The following NDE1 variants were observed in gnomAD, a reference collection of about 807,000 sequenced individuals.
NDE1 encodes nudE neurodevelopment protein 1, also known as nuclear distribution protein nudE homolog 1.
A neutral mutation model predicts 43.4 loss-of-function variants in NDE1; 28 were observed. That is an observed-to-expected ratio of 0.65 (90% CI 0.48 to 0.89). NDE1 has a LOEUF of 0.89. NDE1 is among the 40% of genes least tolerant of loss of function. NDE1 has a pLI of 0.00. For missense variants in NDE1, 441 were observed against 434.1 expected, an observed-to-expected ratio of 1.02 and a Z score of -0.14; for synonymous variants, 184 against 172.0, an observed-to-expected ratio of 1.07 and a Z score of -0.55.
Position 15,725,149 on chromosome 16 carries a change from ACACACACACAC to A in NDE1, c.*899_*909del. 1 of 576,044 alleles carries A rather than the reference ACACACACACAC, an allele frequency of 1.7e-6. No homozygotes were observed. Among genetic ancestry groups the A allele is most frequent in the Non-Finnish European group, 3.0e-6 (1 of 330,272 alleles). The allele number at this position is 576,044 out of a possible 1,614,324, so 35.7% of individuals were successfully genotyped here. A position where few individuals can be genotyped will look rare whatever the true frequency, so the allele number is the denominator to read the frequency against. On this transcript the variant is annotated 3_prime_UTR_variant, in exon 9 of 9. Coordinates refer to ENST00000396354, the MANE Select transcript of NDE1 (RefSeq NM_017668.3). ...GGGACTCTGATAAAAAAAAAAAAAA[ACACACACACAC>A]ACAAAAAAAACAGAATCTGTGGCTT...
rs906250345 is a variant in NDE1, at chr16:15,720,380, G to A, written c.948-3811G>A. 2.5e-5 allele frequency: 38 copies of A among 1,542,254 alleles called. No individual in the cohort carries two copies. In the African/African-American group the frequency reaches 4.0e-4, roughly 16 times the overall value. On this transcript the variant is annotated intron_variant, in intron 8 of 8. Transcript: ENST00000396354. The stretch of plus-strand genomic sequence containing the variant: ...GGAGGTCCTTTGGCTCACCTAGGCA[G>A]CACATCACTGCACCCCTTCCCCAGC...
rs1406759108 is a variant in NDE1, at chr16:15,704,231, A to G, written c.947+7371A>G. 8 of 1,373,888 alleles carry G rather than the reference A, an allele frequency of 5.8e-6. No individual in the cohort carries two copies. The African/African-American group carries it at 1.0e-4, about 18-fold the overall frequency. 85.1% of individuals were successfully genotyped at this position (1,373,888 alleles called of 1,614,324 possible). On this transcript the variant is annotated intron_variant, in intron 8 of 8. Transcript: ENST00000396354. ...GTAGCTATAGTCCTATTGCAATATA[A>G]ATTTTTTTTATGGCAGAAAACACAC...
chr16:15,710,011 C>T (rs2039688630), intron 8 of NDE1, among the ~76,000 whole-genome samples: 1 of 152,216 alleles, frequency 6.6e-6, no homozygotes, highest in Admixed American at 6.5e-5. Context: ...AGGAGCCAGG[C>T]ATGCTTACCA....
chr16:15,704,944 G>A (rs972536543), intron 8 of NDE1, among the ~76,000 whole-genome samples: 6 of 152,166 alleles, frequency 3.9e-5, no homozygotes, highest in South Asian at 4.1e-4. Context: ...CTCCCAAAGC[G>A]CTGGCATTAC....
At chr16:15,650,051 AC>A (rs1239579380), upstream of NDE1, among the ~76,000 whole-genome samples, 3 of 151,138 alleles carry the variant, frequency 2.0e-5, no homozygotes, top group Non-Finnish European at 4.4e-5. Flanking sequence ...CGCCTCTCAA[AC>A]CCCCTCCGGC....
chr16:15,656,694 C>T (rs919162810), intron 1 of NDE1, among the ~76,000 whole-genome samples: 1 of 152,086 alleles, frequency 6.6e-6, no homozygotes, highest in Non-Finnish European at 1.5e-5. Context: ...GCATGTGCCA[C>T]CATGCCCAGC....
chr16:15,647,320 C>G (rs1297701931), upstream of NDE1, among the ~76,000 whole-genome samples: 1 of 152,168 alleles, frequency 6.6e-6, no homozygotes, highest in African/African-American at 2.4e-5. Flanking sequence ...ATCTCTTTGC[C>G]TCTAGCATAG....
intron 8 of NDE1, among the ~76,000 whole-genome samples, chr16:15,710,806 T>C (rs2039744217): frequency 6.6e-6 from 1 of 151,936 alleles, no homozygotes. Flanking sequence ...GCCTCACGAG[T>C]AGCTGGGATT....
intron 8 of NDE1, among the ~76,000 whole-genome samples, chr16:15,706,505 C>T (rs1466079038): frequency 5.9e-5 from 9 of 152,106 alleles, no homozygotes; most frequent in East Asian, 1.9e-4. Context: ...GTCAGTTGTT[C>T]GAGGCCATCC....
intron 1 of NDE1, among the ~76,000 whole-genome samples, chr16:15,664,163 G>T (rs1488067153): frequency 1.3e-5 from 2 of 152,054 alleles, no homozygotes; most frequent in Non-Finnish European, 2.9e-5. Context: ...CTTTAGGGAA[G>T]GCAGGCATCT....
intron 8 of NDE1, chr16:15,721,305 T>C (rs1457479164): frequency 8.0e-7 from 1 of 1,249,332 alleles, no homozygotes. Context: ...CCTCCTTCCA[T>C]TTCCGATGAT....
intron 8 of NDE1, chr16:15,701,662 G>C (rs2039225834): frequency 6.6e-6 from 1 of 152,184 alleles, no homozygotes. Flanking sequence ...GTCTCTTTGG[G>C]ACACGAGTTA....
intron 8 of NDE1, among the ~76,000 whole-genome samples, chr16:15,716,674 A>C (rs2040167315): frequency 6.6e-6 from 1 of 152,166 alleles, no homozygotes; most frequent in South Asian, 2.1e-4. Flanking sequence ...GGCATGTGCC[A>C]CCACACTCGG....
At chr16:15,710,640 C>T (rs2039728773) in intron 8 of NDE1, among the ~76,000 whole-genome samples, 1 of 151,356 alleles carries the variant, frequency 6.6e-6, no homozygotes, top group African/African-American at 2.4e-5. Context: ...TCAGGAGAGG[C>T]AGGGGGACTG....
At chr16:15,687,189 C>G (rs761869764) in intron 4 of NDE1, 186 bp from the exon 5 acceptor site, 3 of 1,512,604 alleles carry the variant, frequency 2.0e-6, no homozygotes, top group Non-Finnish European at 2.7e-6. Context: ...TGATGAGTCC[C>G]ATTCTGCAGG....
intron 5 of NDE1, among the ~76,000 whole-genome samples, chr16:15,688,144 C>T (rs1486551583): frequency 6.6e-6 from 1 of 152,184 alleles, no homozygotes; most frequent in Non-Finnish European, 1.5e-5. Context: ...CCAGTGCACT[C>T]CAGCCTGGGT....
At chr16:15,700,239 G>C (rs1305805303) in intron 8 of NDE1, 3 of 379,680 alleles carry the variant, frequency 7.9e-6, no homozygotes, top group South Asian at 9.6e-5. Flanking sequence ...TGGGATTACA[G>C]GCACCCACCA....
rs1315140356 is a variant in NDE1, at chr16:15,717,497, T to C, written c.948-6694T>C. On this transcript the variant is annotated intron_variant, in intron 8 of 8. Transcript: ENST00000396354. Reference sequence around the variant, plus strand: ...TCTCCTTCATCCTGTAAAACTCCACTCAAGAGCTTCTTCCAGGCCGGGCGT... The same window carrying C: ...TCTCCTTCATCCTGTAAAACTCCACCCAAGAGCTTCTTCCAGGCCGGGCGT... The C allele has an allele frequency of 3.9e-6, 3 of 767,500 alleles. No homozygotes were observed. The Admixed American group carries it at 7.4e-5, about 19-fold the overall frequency. 47.5% of individuals were successfully genotyped at this position (767,500 alleles called of 1,614,324 possible). A position where few individuals can be genotyped will look rare whatever the true frequency, so the allele number is the denominator to read the frequency against.
In NDE1 at chr16:15,714,999, T is replaced by C. The variant is rs79129097; in HGVS notation, c.948-9192T>C. The C allele has an allele frequency of 1.3e-4, 210 of 1,614,034 alleles. 1 individual carries two copies. In the East Asian group the frequency reaches 4.4e-3, roughly 34 times the overall value. On this transcript the variant is annotated intron_variant, in intron 8 of 8. Transcript: ENST00000396354. ...CAGCTCCCGCTGCAGCTTCCTGCGG[T>C]TGGCGTTGATGCGCTGGGACTCCTC...
Sources: allele counts gnomAD v4.1 joint callset (sites outside exome capture counted in the v4.1 genomes callset), GRCh38; gene constraint gnomAD v4.1.1; transcripts MANE v1.5; gene names NCBI Gene and HGNC (gene_info 2026-07-23, HGNC 2026-07-21).